ADAMTS20: variants seen among roughly 807,000 people sequenced by gnomAD.
ADAMTS20 encodes the protein A disintegrin and metalloproteinase with thrombospondin motifs 20.
Under a neutral mutation model 260.1 loss-of-function variants are expected in ADAMTS20, and 225 were observed. The observed-to-expected ratio is 0.87, with a 90% CI of 0.78 to 0.97. The LOEUF (loss-of-function observed/expected upper bound fraction) is 0.97, where lower values mean the gene tolerates loss of function less well. ADAMTS20 is among the 50% of genes least tolerant of loss of function. ADAMTS20 has a pLI of 0.00. For missense variants in ADAMTS20, 2,400 were observed against 2,337.7 expected (o/e 1.03, Z -0.55); for synonymous variants, 802 against 769.5 (o/e 1.04, Z -0.70).
chr12:43,479,236 G>A (rs898525259), intron 7 of ADAMTS20, among the ~76,000 whole-genome samples: 1 of 152,112 alleles, frequency 6.6e-6, no homozygotes, highest in African/African-American at 2.4e-5. Context: ...TAAGCTAGAC[G>A]AGGTAACTAA....
intron 2 of ADAMTS20, among the ~76,000 whole-genome samples, chr12:43,537,218 T>A (rs537953635): frequency 4.0e-5 from 5 of 125,292 alleles, no homozygotes; most frequent in Middle Eastern, 4.0e-3. Flanking sequence ...TTTTGAAGGT[T>A]TTTTTTTTGT....
intron 2 of ADAMTS20, among the ~76,000 whole-genome samples, chr12:43,549,618 G>A (rs1436842443): frequency 2.6e-5 from 4 of 152,100 alleles, no homozygotes; most frequent in Admixed American, 2.6e-4. Context: ...GGATTTTCCA[G>A]ACAAACTAAA....
At chr12:43,541,542 G>A (rs17093450) in intron 2 of ADAMTS20, among the ~76,000 whole-genome samples, 18,187 of 152,128 alleles carry the variant, frequency 0.12, 1,414 homozygotes, top group East Asian at 0.29. Flanking sequence ...TATAATCGAA[G>A]ACCACAAATA....
At chr12:43,436,802 T>C (rs1265642998) in intron 18 of ADAMTS20, among the ~76,000 whole-genome samples, 1 of 152,194 alleles carries the variant, frequency 6.6e-6, no homozygotes. Flanking sequence ...CATGCCAACT[T>C]CTGTTATCCC....
chr12:43,499,882 C>T (rs1942731956), intron 4 of ADAMTS20, among the ~76,000 whole-genome samples: 1 of 152,046 alleles, frequency 6.6e-6, no homozygotes, highest in Admixed American at 6.6e-5. Flanking sequence ...TGAAACTATT[C>T]CAAAATTGGT....
chr12:43,363,718 G>T (rs1939923690), intron 37 of ADAMTS20, among the ~76,000 whole-genome samples: 1 of 152,202 alleles, frequency 6.6e-6, no homozygotes, highest in South Asian at 2.1e-4. Context: ...TTTTAGTGGT[G>T]TGTTGTTAAG....
chr12:43,420,137 C>T (rs1186055820), intron 28 of ADAMTS20, among the ~76,000 whole-genome samples: 1 of 152,110 alleles, frequency 6.6e-6, no homozygotes, highest in African/African-American at 2.4e-5. Flanking sequence ...TAGTAAGCCC[C>T]AAATATTATG....
Position 43,453,918 on chromosome 12 carries a change from A to G in ADAMTS20, c.1749T>C (p.Cys583=), listed in dbSNP as rs776454281. 7.5e-6 allele frequency: 12 copies of G among 1,604,490 alleles called. No homozygotes were observed. The Admixed American group carries it at 1.2e-4, about 16-fold the overall frequency. The part of the protein sequence containing the change: ...GGGIESATRR[C]NRPEPRNGGN... The stretch of plus-strand genomic sequence containing the variant: ...TAAAAAAGACATACTCAGGACGATT[A>G]CAGCGCCTGGTTGCACTTTCGATTC... Residue 583 remains cysteine, a synonymous_variant, in exon 12 of 39, where the codon TGT becomes TGC. Coordinates refer to ENST00000389420, the MANE Select transcript of ADAMTS20 (RefSeq NM_025003.5).
At chr12:43,386,009 A>G (rs773578927) in intron 29 of ADAMTS20, among the ~76,000 whole-genome samples, 2 of 151,978 alleles carry the variant, frequency 1.3e-5, no homozygotes, top group Non-Finnish European at 2.9e-5. Context: ...TATCTCCTTT[A>G]TCATTTTTAT....
chr12:43,510,021 T>C (rs780210100), intron 3 of ADAMTS20, among the ~76,000 whole-genome samples: 10 of 152,190 alleles, frequency 6.6e-5, no homozygotes, highest in Non-Finnish European at 1.3e-4. Context: ...GGAGACTAAA[T>C]AAGAAACCAA....
rs550018563 is a variant in ADAMTS20, at chr12:43,374,207, G to A, written c.5446+1172C>T. Among the ~76,000 whole-genome samples the A allele has an allele frequency of 1.4e-4, 21 of 152,038 alleles. No individual in the cohort carries two copies. The East Asian group carries it at 3.7e-3, about 27-fold the overall frequency. ...ATAATGCTTCCACACTGTAGTAGAT[G>A]GTGGATGTTCAGTAAATGATAGCCA... On this transcript the variant is annotated intron_variant, in intron 36 of 38. Coordinates refer to ENST00000389420, the MANE Select transcript of ADAMTS20 (RefSeq NM_025003.5).
intron 14 of ADAMTS20, among the ~76,000 whole-genome samples, chr12:43,449,863 T>C (rs1941832805): frequency 6.6e-6 from 1 of 152,126 alleles, no homozygotes; most frequent in Non-Finnish European, 1.5e-5. Flanking sequence ...TGGGGTGGTA[T>C]TTAAAAAGAC....
At chr12:43,397,799 C>T (rs1022462574) in intron 29 of ADAMTS20, among the ~76,000 whole-genome samples, 4 of 152,144 alleles carry the variant, frequency 2.6e-5, no homozygotes, top group African/African-American at 9.7e-5. Flanking sequence ...ATCTAGTTTT[C>T]AATTAAACAT....
rs570520103 is a variant in ADAMTS20 at position 43,537,199 on chromosome 12, C to G, written c.454-5004G>C. Among the ~76,000 whole-genome samples, 10 of 151,160 alleles carry G rather than the reference C, an allele frequency of 6.6e-5. No individual in the cohort carries two copies. The South Asian group carries it at 2.1e-3, about 32-fold the overall frequency. ...ATCCCCCCACCTCAGCCTCCCATAA[C>G]TGGCGGAATTTTGAAGGTTTTTTTT... is the stretch of plus-strand genomic sequence containing the variant. On this transcript the variant is annotated intron_variant, in intron 2 of 38. Transcript: ENST00000389420.
chr12:43,494,801 C>T (rs1000151595), intron 4 of ADAMTS20, among the ~76,000 whole-genome samples: 3 of 152,268 alleles, frequency 2.0e-5, no homozygotes, highest in African/African-American at 7.2e-5. Context: ...AAAAAAAGCA[C>T]ACCTGTAATT....
chr12:43,528,038 C>A (rs1367031941), intron 3 of ADAMTS20, among the ~76,000 whole-genome samples: 3 of 151,908 alleles, frequency 2.0e-5, no homozygotes, highest in Admixed American at 2.0e-4. Flanking sequence ...CTGCTATACA[C>A]CAAAAACAAT....
intron 28 of ADAMTS20, among the ~76,000 whole-genome samples, chr12:43,406,758 A>G (rs1160389628): frequency 1.3e-5 from 2 of 152,106 alleles, no homozygotes; most frequent in African/African-American, 4.8e-5. Flanking sequence ...CTACTTTGTA[A>G]TTGAGGGAAT....
intron 2 of ADAMTS20, among the ~76,000 whole-genome samples, chr12:43,542,120 T>G (rs1739702938): frequency 6.6e-6 from 1 of 152,112 alleles, no homozygotes; most frequent in Non-Finnish European, 1.5e-5. Context: ...ATGAACTAAT[T>G]AAAAAGAGGA....
chr12:43,428,829 A>T, intron 24 of ADAMTS20, 30 bp from the exon 25 acceptor site: 1 of 1,573,698 alleles, frequency 6.4e-7, no homozygotes, highest in Non-Finnish European at 8.6e-7. Flanking sequence ...GTATCCGGGC[A>T]TTATACAGTA....
Sources: allele counts gnomAD v4.1 joint callset (sites outside exome capture counted in the v4.1 genomes callset), GRCh38; gene constraint gnomAD v4.1.1; transcripts MANE v1.5; gene names NCBI Gene and HGNC (gene_info 2026-07-23, HGNC 2026-07-21).